The following MDM4 variants were observed in gnomAD, a reference collection of about 807,000 sequenced individuals.
MDM4 encodes the protein MDM4 regulator of p53, also known as protein Mdm4.
MDM4 carries 2 observed loss-of-function variants against 60.2 expected under a neutral mutation model. The ratio of observed to expected loss-of-function variants is 0.03; its 90% CI spans 0.01 to 0.10. The LOEUF is 0.10. Among genes scored for constraint, MDM4 ranks in the 10% least tolerant of loss-of-function variants. The pLI is 1.00. For synonymous variants in MDM4, 202 were observed against 198.1 expected, an observed-to-expected ratio of 1.02 and a Z score of -0.17; for missense variants, 447 against 577.5, an observed-to-expected ratio of 0.77 and a Z score of 2.32.
chr1:204,525,481 T>C lies in MDM4; in HGVS notation c.-35-3T>C. On this transcript the variant is annotated splice_region_variant and splice_polypyrimidine_tract_variant and intron_variant, in intron 1 of 10. Transcript: ENST00000367182. Reference sequence around the variant, plus strand: ...GATGTTATAAATTTTTTTTTCTATTTAGTTTTACCAACAGACTGCAGTTTC... The same window carrying C: ...GATGTTATAAATTTTTTTTTCTATTCAGTTTTACCAACAGACTGCAGTTTC... 6.3e-7 allele frequency: 1 copy of C among 1,575,602 alleles called. No homozygotes were observed. Among genetic ancestry groups the C allele is most frequent in the Non-Finnish European group, 8.6e-7 (1 of 1,169,004 alleles).
intron 5 of MDM4, chr1:204,532,897 A>C (rs1213529842): frequency 1.3e-6 from 2 of 1,544,926 alleles, no homozygotes; most frequent in South Asian, 2.4e-5. Flanking sequence ...AATAAATTCA[A>C]GTTTAAATTT....
rs1162470902 is a variant in MDM4, at chr1:204,557,196, A to G, written c.*7514A>G. ...ATACCTCATGTTCTGGAAGCTGAGC[A>G]CTAGCTCCCCTTTATTGCCTGCCTG... On this transcript the variant is annotated 3_prime_UTR_variant, in exon 11 of 11. Coordinates refer to ENST00000367182, the MANE Select transcript of MDM4 (RefSeq NM_002393.5). 1.0e-5 allele frequency: 2 copies of G among 194,614 alleles called. No homozygotes were observed. Among genetic ancestry groups the G allele is most frequent in the Non-Finnish European group, 1.1e-5 (1 of 93,452 alleles). The allele number at this position is 194,614 out of a possible 1,614,324, so 12.1% of individuals were successfully genotyped here.
chr1:204,528,541 A>G (rs529461923), intron 3 of MDM4, among the ~76,000 whole-genome samples: 3 of 152,286 alleles, frequency 2.0e-5, no homozygotes, highest in African/African-American at 7.2e-5. Flanking sequence ...ACTCCATTAC[A>G]AGGACCAGAA....
At chr1:204,539,725 C>T (rs1437556023) in intron 7 of MDM4, among the ~76,000 whole-genome samples, 6 of 151,372 alleles carry the variant, frequency 4.0e-5, no homozygotes, top group Admixed American at 1.3e-4. Flanking sequence ...TTAGTAGAGA[C>T]GGGGTTTTAC....
rs1371690118 is a variant in MDM4 at position 204,552,562 on chromosome 1, T to G, written c.*2880T>G. 1 of 165,308 alleles carries G rather than the reference T, an allele frequency of 6.0e-6. No individual in the cohort carries two copies. Among genetic ancestry groups the G allele is most frequent in the Non-Finnish European group, 1.3e-5 (1 of 75,590 alleles). The allele number at this position is 165,308 out of a possible 1,614,324, so 10.2% of individuals were successfully genotyped here. ...TGGTCTCGAACTCCTGACCTCATGA[T>G]CCACACACCTCGGCCTCCCAAAGTC... is the stretch of plus-strand genomic sequence containing the variant. On this transcript the variant is annotated 3_prime_UTR_variant, in exon 11 of 11. Transcript: ENST00000367182.
chr1:204,523,063 A>G (rs533897812), intron 1 of MDM4, among the ~76,000 whole-genome samples: 14 of 149,016 alleles, frequency 9.4e-5, no homozygotes, highest in Non-Finnish European at 1.9e-4. Flanking sequence ...GGGTTTCACC[A>G]TGTTGGCCAG....
At chr1:204,532,780 T>C in intron 5 of MDM4, 2 of 1,611,166 alleles carry the variant, frequency 1.2e-6, no homozygotes, top group Non-Finnish European at 1.7e-6. Flanking sequence ...AATGGGTCAT[T>C]TGTTCTGTAG....
chr1:204,539,529 G>GTTTT (rs1261336032), intron 7 of MDM4, among the ~76,000 whole-genome samples: 4 of 139,564 alleles, frequency 2.9e-5, no homozygotes, highest in Non-Finnish European at 6.2e-5. Flanking sequence ...TTTTTTTTTT[G>GTTTT]TTTTGTTTTG....
chr1:204,536,518 C>T (rs1278966536), intron 5 of MDM4, among the ~76,000 whole-genome samples: 1 of 152,128 alleles, frequency 6.6e-6, no homozygotes, highest in African/African-American at 2.4e-5. Context: ...CATATTTTAT[C>T]TCTGAACCTG....
chr1:204,545,238 T>G (rs1662536916), intron 9 of MDM4, among the ~76,000 whole-genome samples: 1 of 152,206 alleles, frequency 6.6e-6, no homozygotes, highest in Non-Finnish European at 1.5e-5. Flanking sequence ...TCTTGATAGC[T>G]TCCATAACCA....
intron 1 of MDM4, among the ~76,000 whole-genome samples, chr1:204,519,107 G>C (rs188627457): frequency 6.5e-4 from 99 of 152,256 alleles, no homozygotes; most frequent in Non-Finnish European, 1.0e-3. Context: ...AAAAGATCAG[G>C]GTGGCTGAGG....
In MDM4 at chr1:204,550,107, G is replaced by T; in HGVS notation, c.*425G>T. 1 of 232,078 alleles carries T rather than the reference G, an allele frequency of 4.3e-6. No individual in the cohort carries two copies. The highest frequency in any genetic ancestry group is 8.4e-6 in the Non-Finnish European group (1 of 118,554). 14.4% of individuals were successfully genotyped at this position (232,078 alleles called of 1,614,324 possible). A position where few individuals can be genotyped will look rare whatever the true frequency, so the allele number is the denominator to read the frequency against. ...CTGCCCCTCTTCAGACAGTCCTTCA[G>T]CTATTTCATGGCTCTCACCCTAGTT... is the stretch of plus-strand genomic sequence containing the variant. On this transcript the variant is annotated 3_prime_UTR_variant, in exon 11 of 11. Coordinates refer to ENST00000367182, the MANE Select transcript of MDM4 (RefSeq NM_002393.5).
At position 204,549,113 on chromosome 1, in the gene MDM4, G is replaced by A. The variant is rs1341431862; in HGVS notation, c.904G>A (p.Asp302Asn). ...TAATTGGCTTCACTTGTCTTTGTAG[G>A]ATGAGTGGCAGTGTACTGAATGCAA... ...DDTDVEVTSEDEWQCTECKKF... is the reference protein window; with the variant it reads ...DDTDVEVTSENEWQCTECKKF... The change falls in exon 11 of 11, where the codon GAT becomes AAT. Residue 302 changes from aspartate to asparagine, a missense_variant and splice_region_variant. Asp to Asn is a conservative substitution (Grantham distance 23). Around this residue, in one of 8 missense-constraint regions of MDM4, gnomAD observed 21 missense variants for 46.7 expected, o/e 0.45. Transcript: ENST00000367182. 1.9e-6 allele frequency: 3 copies of A among 1,582,354 alleles called. No individual in the cohort carries two copies. Among genetic ancestry groups the A allele is most frequent in the Non-Finnish European group, 1.7e-6 (2 of 1,160,440 alleles).
chr1:204,541,476 CTG>C (rs1162953220), intron 7 of MDM4, among the ~76,000 whole-genome samples: 1 of 152,024 alleles, frequency 6.6e-6, no homozygotes, highest in African/African-American at 2.4e-5. Context: ...AAGTGGTGCC[CTG>C]TCTCAAAAAA....
intron 5 of MDM4, chr1:204,532,698 AT>A: frequency 1.3e-6 from 2 of 1,508,100 alleles, no homozygotes; most frequent in South Asian, 2.5e-5. Flanking sequence ...TTTGGTTGAT[AT>A]GTCTCATAAG....
At chr1:204,544,725 C>G in intron 9 of MDM4, 41 bp downstream of exon 9, 1 of 1,569,766 alleles carries the variant, frequency 6.4e-7, no homozygotes, top group Non-Finnish European at 8.7e-7. Context: ...TGTTTGTGTG[C>G]TCATAGTATC....
rs56047802 is a variant in MDM4 at position 204,551,461 on chromosome 1, C to CTTTTTTT, written c.*1802_*1808dup. On this transcript the variant is annotated 3_prime_UTR_variant, in exon 11 of 11. Coordinates refer to ENST00000367182, the MANE Select transcript of MDM4 (RefSeq NM_002393.5). ...ATACTGGATGGTTGAGAGGCAGCCTCTTTTTTTTTTTTTTTTTTTTTTTTT... is the reference window on the plus strand; with the variant it reads ...ATACTGGATGGTTGAGAGGCAGCCTCTTTTTTTTTTTTTTTTTTTTTTTTTTTTTTTT... 63 of 91,508 alleles carry CTTTTTTT rather than the reference C, an allele frequency of 6.9e-4. 7 individuals carry two copies. The highest frequency in any genetic ancestry group is 3.6e-3 in the African/African-American group (50 of 13,808). The allele number at this position is 91,508 out of a possible 1,614,324, so 5.7% of individuals were successfully genotyped here.
intron 7 of MDM4, among the ~76,000 whole-genome samples, chr1:204,541,443 A>G (rs540129440): frequency 6.6e-6 from 1 of 152,188 alleles, no homozygotes; most frequent in Admixed American, 6.5e-5. Flanking sequence ...ATATCATGTC[A>G]CTGCACTCCA....
chr1:204,516,786 T>G (rs1421347278), intron 1 of MDM4, among the ~76,000 whole-genome samples: 1 of 152,070 alleles, frequency 6.6e-6, no homozygotes, highest in Non-Finnish European at 1.5e-5. Context: ...TTGGATTGAG[T>G]TTAACTGGAC....
Sources: gnomAD v4.1 joint callset for allele counts (sites outside exome capture counted in the v4.1 genomes callset) on GRCh38, gnomAD v4.1.1 for gene constraint, gnomAD v4.1.1 regional missense constraint, MANE v1.5 for transcripts, NCBI Gene and HGNC (gene_info 2026-07-23, HGNC 2026-07-21) for gene names.